Variants in RASAL2 observed in about 807,000 individuals in gnomAD.
RASAL2 encodes ras GTPase-activating protein nGAP.
RASAL2 carries 58 observed loss-of-function variants against 128.9 expected under a neutral mutation model. That is an observed-to-expected ratio of 0.45 (90% confidence interval 0.36 to 0.56). The LOEUF (loss-of-function observed/expected upper bound fraction) is 0.56, where lower values mean the gene tolerates loss of function less well. Ranked by LOEUF, RASAL2 falls within the 20% of genes least tolerant of loss-of-function variation. The pLI is 0.00. For synonymous variants in RASAL2, 561 were observed against 580.8 expected, an observed-to-expected ratio of 0.97 and a Z score of 0.49; for missense variants, 1,360 against 1,601.6, an observed-to-expected ratio of 0.85 and a Z score of 2.57.
chr1:178,214,137 A>T (rs1055841353), intron 1 of RASAL2, among the ~76,000 whole-genome samples: 1 of 152,042 alleles, frequency 6.6e-6, no homozygotes, highest in African/African-American at 2.4e-5. Flanking sequence ...GGGCGTGGTA[A>T]TCCATGTCTG....
chr1:178,384,943 C>T (rs753113703), intron 3 of RASAL2, among the ~76,000 whole-genome samples: 12 of 151,922 alleles, frequency 7.9e-5, no homozygotes, highest in South Asian at 2.1e-4. Context: ...TTCGGTTAAA[C>T]GAGATTGAAC....
intron 1 of RASAL2, among the ~76,000 whole-genome samples, chr1:178,163,983 T>C (rs1661426662): frequency 6.6e-6 from 1 of 152,208 alleles, no homozygotes; most frequent in South Asian, 2.1e-4. Context: ...ACTTATGTTG[T>C]TTATTCCTAA....
intron 1 of RASAL2, among the ~76,000 whole-genome samples, chr1:178,221,446 A>G (rs1663610267): frequency 6.6e-6 from 1 of 152,218 alleles, no homozygotes; most frequent in South Asian, 2.1e-4. Context: ...CATCCCACAA[A>G]TTCTGATAAG....
At chr1:178,204,878 A>T (rs1053449650) in intron 1 of RASAL2, among the ~76,000 whole-genome samples, 1 of 152,232 alleles carries the variant, frequency 6.6e-6, no homozygotes, top group African/African-American at 2.4e-5. Flanking sequence ...AATCAGAGGA[A>T]AATGTGAAGG....
At chr1:178,321,561 G>A (rs1668782132) in intron 3 of RASAL2, among the ~76,000 whole-genome samples, 1 of 151,806 alleles carries the variant, frequency 6.6e-6, no homozygotes, top group South Asian at 2.1e-4. Context: ...CTAGAGTGCA[G>A]TGGCGCATGG....
intron 15 of RASAL2, among the ~76,000 whole-genome samples, 155 bp downstream of exon 15, chr1:178,464,567 GGTGTGTGTGTGTGT>G (rs58822651): frequency 2.8e-5 from 4 of 145,020 alleles, no homozygotes; most frequent in Admixed American, 6.9e-5. Flanking sequence ...ATAGGTCAGT[GGTGTGTGTGTGTGT>G]GTGTGTGTGT....
intron 1 of RASAL2, among the ~76,000 whole-genome samples, chr1:178,108,207 T>C (rs1329473318): frequency 6.6e-6 from 1 of 152,228 alleles, no homozygotes; most frequent in African/African-American, 2.4e-5. Context: ...ATTAATGATA[T>C]TGAGCATATT....
intron 1 of RASAL2, among the ~76,000 whole-genome samples, chr1:178,175,318 T>C (rs1661844331): frequency 6.6e-6 from 1 of 152,042 alleles, no homozygotes; most frequent in African/African-American, 2.4e-5. Context: ...CAAGGGTTTA[T>C]GATGAAAGGG....
intron 1 of RASAL2, among the ~76,000 whole-genome samples, chr1:178,159,320 T>C (rs555981307): frequency 6.6e-6 from 1 of 152,302 alleles, no homozygotes; most frequent in East Asian, 1.9e-4. Flanking sequence ...GCATCCATAT[T>C]GATACTGTAT....
intron 1 of RASAL2, among the ~76,000 whole-genome samples, chr1:178,172,132 G>A (rs758154467): frequency 2.6e-5 from 4 of 151,966 alleles, no homozygotes; most frequent in Non-Finnish European, 5.9e-5. Context: ...AAAATTAATA[G>A]GAGATGAAAG....
At chr1:178,407,154 C>T (rs1674051879) in intron 4 of RASAL2, among the ~76,000 whole-genome samples, 1 of 152,142 alleles carries the variant, frequency 6.6e-6, no homozygotes, top group Non-Finnish European at 1.5e-5. Flanking sequence ...GGATAAACTA[C>T]CCATACTACA....
chr1:178,163,557 A>G (rs1208327478), intron 1 of RASAL2, among the ~76,000 whole-genome samples: 2 of 152,168 alleles, frequency 1.3e-5, no homozygotes, highest in African/African-American at 2.4e-5. Flanking sequence ...TGTTGAAAAG[A>G]CTATTCCCAA....
At chr1:178,399,630 C>G (rs182264714) in intron 4 of RASAL2, among the ~76,000 whole-genome samples, 205 of 152,206 alleles carry the variant, frequency 1.3e-3, no homozygotes, top group African/African-American at 4.7e-3. Context: ...GGAAGTGTGA[C>G]ATTAAATAGT....
chr1:178,264,214 T>G (rs539993194), intron 1 of RASAL2, among the ~76,000 whole-genome samples: 1 of 152,216 alleles, frequency 6.6e-6, no homozygotes, highest in Non-Finnish European at 1.5e-5. Context: ...ATCATTCACT[T>G]TCCCTATCTC....
At chr1:178,462,459 T>G (rs1202757142) in intron 14 of RASAL2, among the ~76,000 whole-genome samples, 5 of 152,152 alleles carry the variant, frequency 3.3e-5, no homozygotes, top group Non-Finnish European at 7.4e-5. Flanking sequence ...GCAACGCTTA[T>G]AAGACCAAGA....
chr1:178,269,586 A>G (rs546639814), intron 1 of RASAL2, among the ~76,000 whole-genome samples: 2 of 152,304 alleles, frequency 1.3e-5, no homozygotes, highest in Admixed American at 1.3e-4. Context: ...AAAACCTGCC[A>G]AAACCAAAAT....
intron 1 of RASAL2, among the ~76,000 whole-genome samples, chr1:178,221,548 T>G (rs182151374): frequency 7.9e-5 from 12 of 152,314 alleles, no homozygotes; most frequent in Admixed American, 6.5e-4. Context: ...TTGCTTTATC[T>G]TTATGTGTTT....
At chr1:178,431,527 T>C (rs1219810666) in intron 5 of RASAL2, among the ~76,000 whole-genome samples, 1 of 152,116 alleles carries the variant, frequency 6.6e-6, no homozygotes, top group African/African-American at 2.4e-5. Flanking sequence ...AATTGAGCCA[T>C]ATCAAAAATT....
At chr1:178,145,192 A>C (rs757321715) in intron 1 of RASAL2, among the ~76,000 whole-genome samples, 9 of 152,030 alleles carry the variant, frequency 5.9e-5, no homozygotes, top group Non-Finnish European at 1.3e-4. Flanking sequence ...AACATATATC[A>C]CATGACAAGT....
Sources: allele counts gnomAD v4.1 joint callset (sites outside exome capture counted in the v4.1 genomes callset), GRCh38; gene constraint gnomAD v4.1.1; transcripts MANE v1.5; gene names NCBI Gene and HGNC (gene_info 2026-07-23, HGNC 2026-07-21).